Variants in SLC46A3 observed in about 807,000 individuals in gnomAD.
The protein encoded by SLC46A3 is lysosomal proton-coupled steroid conjugate and bile acid symporter SLC46A3.
A neutral mutation model predicts 38.5 loss-of-function variants in SLC46A3; 26 were observed. That is an observed-to-expected ratio of 0.68 (90% confidence interval 0.49 to 0.94). SLC46A3 has a LOEUF of 0.94. SLC46A3 is among the 40% of genes least tolerant of loss of function. The probability of loss-of-function intolerance (pLI) is 0.00; values close to 1 mark genes in which losing one functional copy is unlikely to be tolerated. For missense variants in SLC46A3, 510 were observed against 544.3 expected, an observed-to-expected ratio of 0.94 and a Z score of 0.63; for synonymous variants, 185 against 192.5, an observed-to-expected ratio of 0.96 and a Z score of 0.32.
rs1032957254 is a variant in SLC46A3, at chr13:28,701,289, T to C, written c.*208A>G. 7.1e-7 allele frequency: 1 copy of C among 1,414,772 alleles called. No individual in the cohort carries two copies. The highest frequency in any genetic ancestry group is 9.2e-7 in the Non-Finnish European group (1 of 1,088,106). 87.6% of individuals were successfully genotyped at this position (1,414,772 alleles called of 1,614,324 possible). On this transcript the variant is annotated 3_prime_UTR_variant, in exon 6 of 6. Coordinates refer to ENST00000266943, the MANE Select transcript of SLC46A3 (RefSeq NM_181785.4). Reference sequence around the variant, plus strand: ...ATTTGTTCTGTGTATTGCAAGTATATTGCATGATACGCACAAAGTGCTCAA... The same window carrying C: ...ATTTGTTCTGTGTATTGCAAGTATACTGCATGATACGCACAAAGTGCTCAA...
intron 2 of SLC46A3, among the ~76,000 whole-genome samples, chr13:28,714,922 T>TAA (rs970325159): frequency 1.3e-5 from 2 of 152,214 alleles, no homozygotes; most frequent in Admixed American, 1.3e-4. Context: ...TGCATGATCT[T>TAA]AAAACATTTT....
At chr13:28,709,774 G>A (rs1455332336) in intron 4 of SLC46A3, among the ~76,000 whole-genome samples, 1 of 152,118 alleles carries the variant, frequency 6.6e-6, no homozygotes, top group Non-Finnish European at 1.5e-5. Context: ...AGGTTATGGT[G>A]TTTCTTCTCT....
Position 28,700,729 on chromosome 13 carries a change from G to C in SLC46A3, c.*768C>G. 1 of 444,978 alleles carries C rather than the reference G, an allele frequency of 2.2e-6. No homozygotes were observed. 27.6% of individuals were successfully genotyped at this position (444,978 alleles called of 1,614,324 possible). A position where few individuals can be genotyped will look rare whatever the true frequency, so the allele number is the denominator to read the frequency against. On this transcript the variant is annotated 3_prime_UTR_variant, in exon 6 of 6. Coordinates refer to ENST00000266943, the MANE Select transcript of SLC46A3 (RefSeq NM_181785.4). ...TTCATTCAGTTTTTTAACTTCTTTA[G>C]AGCAATTTTATTTATCATCTATTTT... is the stretch of plus-strand genomic sequence containing the variant.
chr13:28,708,403 T>C (rs1182668254), intron 4 of SLC46A3, among the ~76,000 whole-genome samples: 5 of 152,214 alleles, frequency 3.3e-5, no homozygotes, highest in Non-Finnish European at 7.3e-5. Context: ...GCTAATGATA[T>C]CCAGCATTTT....
intron 4 of SLC46A3, among the ~76,000 whole-genome samples, chr13:28,708,187 G>A (rs549015413): frequency 7.9e-5 from 12 of 152,326 alleles, no homozygotes; most frequent in Middle Eastern, 6.8e-3. Context: ...TGGTATGTAA[G>A]TAGGGGAGGG....
rs1005895749 is a variant in SLC46A3 at position 28,705,361 on chromosome 13, G to A, written c.1145-1262C>T. Among the ~76,000 whole-genome samples the A allele has an allele frequency of 2.6e-5, 4 of 152,154 alleles. No individual in the cohort carries two copies. The South Asian group carries it at 8.3e-4, about 32-fold the overall frequency. ...TCTTTCAAAGTTAGATATGGCTTAT[G>A]TGTATATTCTAATTTTCCCCATGGT... On this transcript the variant is annotated intron_variant, in intron 4 of 5. Coordinates refer to ENST00000266943, the MANE Select transcript of SLC46A3 (RefSeq NM_181785.4).
At chr13:28,711,416 C>T (rs1885337386) in intron 3 of SLC46A3, among the ~76,000 whole-genome samples, 1 of 150,058 alleles carries the variant, frequency 6.7e-6, no homozygotes, top group South Asian at 2.1e-4. Flanking sequence ...GAGTGAGACT[C>T]CATCTCAAAG....
rs17087052 is a variant in SLC46A3, at chr13:28,702,924, G to A, written c.1301+1019C>T. ...TTGTGGCCCCATTGCCTTGATTCCC[G>A]TCACTGTGCTATGCTATCAGCCACA... On this transcript the variant is annotated intron_variant, in intron 5 of 5. Coordinates refer to ENST00000266943, the MANE Select transcript of SLC46A3 (RefSeq NM_181785.4). Among the ~76,000 whole-genome samples, 536 of 152,228 alleles carry A rather than the reference G, an allele frequency of 3.5e-3. 2 individuals are homozygous for A. The highest frequency in any genetic ancestry group is 0.012 in the African/African-American group (510 of 41,540).
At chr13:28,701,650 A>G in intron 5 of SLC46A3, 69 bp from the exon 6 acceptor site, 1 of 1,471,546 alleles carries the variant, frequency 6.8e-7, no homozygotes, top group Non-Finnish European at 9.3e-7. Context: ...TCTGTTTTCC[A>G]ACTTTTTTTC....
chr13:28,714,538 C>T (rs1885469845), intron 2 of SLC46A3, among the ~76,000 whole-genome samples: 2 of 152,178 alleles, frequency 1.3e-5, no homozygotes, highest in Admixed American at 1.3e-4. Flanking sequence ...CACTTGAGGT[C>T]AGGAGTTTGA....
intron 4 of SLC46A3, among the ~76,000 whole-genome samples, chr13:28,705,803 A>G: frequency 6.6e-6 from 1 of 152,184 alleles, no homozygotes; most frequent in East Asian, 1.9e-4. Context: ...GTCTAACTAC[A>G]TTATTTTCTT....
chr13:28,707,862 T>C (rs1049379331), intron 4 of SLC46A3, among the ~76,000 whole-genome samples: 2 of 152,166 alleles, frequency 1.3e-5, no homozygotes, highest in African/African-American at 4.8e-5. Flanking sequence ...CAAGCCCTAA[T>C]CAAATTTCTG....
Position 28,700,900 on chromosome 13 carries a change from T to G in SLC46A3, c.*597A>C. Reference sequence around the variant, plus strand: ...AAGCACTGATTGTGGAATTCATGTATAGTCTTCAGAAGTCACAGTATATAA... The same window carrying G: ...AAGCACTGATTGTGGAATTCATGTAGAGTCTTCAGAAGTCACAGTATATAA... On this transcript the variant is annotated 3_prime_UTR_variant, in exon 6 of 6. Transcript: ENST00000266943. 1 of 1,387,370 alleles carries G rather than the reference T, an allele frequency of 7.2e-7. No homozygotes were observed. Among genetic ancestry groups the G allele is most frequent in the African/African-American group, 1.4e-5 (1 of 69,608 alleles). The allele number at this position is 1,387,370 out of a possible 1,614,324, so 85.9% of individuals were successfully genotyped here.
chr13:28,703,794 G>T, intron 5 of SLC46A3, 149 bp downstream of exon 5: 2 of 583,774 alleles, frequency 3.4e-6, no homozygotes, highest in Non-Finnish European at 5.9e-6. Flanking sequence ...TATATATGCT[G>T]CTGAAGCGAG....
chr13:28,716,901 A>T (rs1885542647), intron 2 of SLC46A3, among the ~76,000 whole-genome samples: 1 of 152,106 alleles, frequency 6.6e-6, no homozygotes, highest in Non-Finnish European at 1.5e-5. Context: ...TTTCACTGGG[A>T]AGGCAGCACC....
intron 2 of SLC46A3, among the ~76,000 whole-genome samples, chr13:28,715,414 G>A (rs976495117): frequency 6.6e-6 from 1 of 152,216 alleles, no homozygotes; most frequent in African/African-American, 2.4e-5. Context: ...GCTGGACCAA[G>A]GCCCGTCTTC....
intron 3 of SLC46A3, 69 bp from the exon 4 acceptor site, chr13:28,710,912 A>G: frequency 9.2e-7 from 1 of 1,092,426 alleles, no homozygotes; most frequent in East Asian, 2.4e-5. Flanking sequence ...AATAGGAAAC[A>G]CTTTCACTCT....
intron 4 of SLC46A3, among the ~76,000 whole-genome samples, chr13:28,706,396 TTTAG>T (rs1885174915): frequency 6.6e-6 from 1 of 152,208 alleles, no homozygotes; most frequent in Non-Finnish European, 1.5e-5. Flanking sequence ...TGCGAATACA[TTTAG>T]TTATAGAAAT....
intron 4 of SLC46A3, 28 bp from the exon 5 acceptor site, chr13:28,704,127 GA>G (rs34310301): frequency 8.8e-4 from 1,213 of 1,370,698 alleles, no homozygotes; most frequent in African/African-American, 2.5e-3. Context: ...AGAGAGAGAG[GA>G]AAAAAAAAAG....
Sources: gnomAD v4.1 joint callset for allele counts (sites outside exome capture counted in the v4.1 genomes callset) on GRCh38, gnomAD v4.1.1 for gene constraint, MANE v1.5 for transcripts, NCBI Gene and HGNC (gene_info 2026-07-23, HGNC 2026-07-21) for gene names.